FAM171A1: variants seen among roughly 807,000 people sequenced by gnomAD.
FAM171A1 encodes the protein protein FAM171A1.
Under a neutral mutation model 74.9 loss-of-function variants are expected in FAM171A1, and 23 were observed. That is an observed-to-expected ratio of 0.31 (90% CI 0.22 to 0.44). FAM171A1 has a LOEUF of 0.44. FAM171A1 is among the 20% of genes least tolerant of loss of function. FAM171A1 has a pLI of 1.00. For missense variants in FAM171A1, 1,162 were observed against 1,159.2 expected, an observed-to-expected ratio of 1.00 and a Z score of -0.03; for synonymous variants, 527 against 505.7, an observed-to-expected ratio of 1.04 and a Z score of -0.57.
intron 2 of FAM171A1, among the ~76,000 whole-genome samples, chr10:15,279,735 T>C (rs890905652): frequency 2.6e-5 from 4 of 151,978 alleles, no homozygotes; most frequent in Non-Finnish European, 4.4e-5. Flanking sequence ...CTGGCCAACA[T>C]GGTGAAACCC....
intron 6 of FAM171A1, among the ~76,000 whole-genome samples, chr10:15,219,112 G>C (rs1222798724): frequency 6.6e-6 from 1 of 152,070 alleles, no homozygotes; most frequent in East Asian, 1.9e-4. Context: ...GTGAAACCCT[G>C]TCTCCACTAA....
At chr10:15,333,366 G>A (rs1217977140) in intron 1 of FAM171A1, among the ~76,000 whole-genome samples, 2 of 152,192 alleles carry the variant, frequency 1.3e-5, no homozygotes, top group African/African-American at 4.8e-5. Flanking sequence ...TGGGCGTGGT[G>A]GCGTGTGCCT....
At chr10:15,259,888 C>T (rs1392026175) in intron 3 of FAM171A1, among the ~76,000 whole-genome samples, 1 of 151,904 alleles carries the variant, frequency 6.6e-6, no homozygotes, top group East Asian at 1.9e-4. Context: ...TACAATGATG[C>T]CATCACAGTT....
At chr10:15,246,871 G>C (rs1373187344) in intron 5 of FAM171A1, among the ~76,000 whole-genome samples, 2 of 152,212 alleles carry the variant, frequency 1.3e-5, no homozygotes, top group African/African-American at 4.8e-5. Context: ...GAAGCAAAGG[G>C]GGGTAAGAGG....
At chr10:15,315,233 C>T (rs1835408219) in intron 1 of FAM171A1, among the ~76,000 whole-genome samples, 1 of 152,132 alleles carries the variant, frequency 6.6e-6, no homozygotes, top group East Asian at 1.9e-4. Context: ...GAGAGTGGTT[C>T]CACTCTGGAG....
At chr10:15,318,179 C>G (rs1249659112) in intron 1 of FAM171A1, among the ~76,000 whole-genome samples, 2 of 152,132 alleles carry the variant, frequency 1.3e-5, no homozygotes, top group Non-Finnish European at 2.9e-5. Flanking sequence ...TGAAATGTGA[C>G]CAGCAGGAGA....
chr10:15,221,356 C>G (rs1036429950), intron 5 of FAM171A1, among the ~76,000 whole-genome samples: 2 of 152,138 alleles, frequency 1.3e-5, no homozygotes, highest in African/African-American at 4.8e-5. Flanking sequence ...TTAGCAGAAG[C>G]CTTTGGAACT....
At chr10:15,337,675 G>A (rs1835719441) in intron 1 of FAM171A1, among the ~76,000 whole-genome samples, 1 of 150,108 alleles carries the variant, frequency 6.7e-6, no homozygotes, top group Admixed American at 6.6e-5. Context: ...AGGGGTTGGC[G>A]CGGTGGCTTA....
intron 5 of FAM171A1, among the ~76,000 whole-genome samples, chr10:15,242,200 C>T (rs1250160265): frequency 6.6e-6 from 1 of 151,972 alleles, no homozygotes; most frequent in Non-Finnish European, 1.5e-5. Context: ...GATCTAATAC[C>T]GTCTTTAGAT....
rs867782076 is a variant in FAM171A1, at chr10:15,359,416, C to A, written c.97+11540G>T. 2.6e-5 allele frequency among the ~76,000 whole-genome samples: 4 copies of A among 152,174 alleles called. 1 individual carries two copies. The Middle Eastern group carries it at 0.014, about 518-fold the overall frequency. ...GGGAAGGGACAGGGAAGTCACTTGTCCAGAACCTGAGAGGACACCCTCAGC... is the reference window on the plus strand; with the variant it reads ...GGGAAGGGACAGGGAAGTCACTTGTACAGAACCTGAGAGGACACCCTCAGC... On this transcript the variant is annotated intron_variant, in intron 1 of 7. Coordinates refer to ENST00000378116, the MANE Select transcript of FAM171A1 (RefSeq NM_001010924.2).
intron 1 of FAM171A1, among the ~76,000 whole-genome samples, chr10:15,319,942 A>G (rs894983629): frequency 4.6e-5 from 7 of 152,212 alleles, no homozygotes; most frequent in African/African-American, 7.2e-5. Flanking sequence ...CAAAAATTAG[A>G]TTGACTTTTT....
At chr10:15,355,521 C>T (rs1835922466) in intron 1 of FAM171A1, among the ~76,000 whole-genome samples, 1 of 152,062 alleles carries the variant, frequency 6.6e-6, no homozygotes, top group Non-Finnish European at 1.5e-5. Flanking sequence ...AGTTTGATAC[C>T]AGCCTGGCCA....
chr10:15,240,779 G>C, intron 5 of FAM171A1: 3 of 978,278 alleles, frequency 3.1e-6, no homozygotes, highest in Non-Finnish European at 3.6e-6. Flanking sequence ...GCTCACAGTC[G>C]TTGTAATCCC....
chr10:15,318,884 AT>A (rs1412097093), intron 1 of FAM171A1, among the ~76,000 whole-genome samples: 3 of 152,150 alleles, frequency 2.0e-5, no homozygotes, highest in Non-Finnish European at 4.4e-5. Context: ...AAGGTGTGAC[AT>A]CCTGATCCTT....
At chr10:15,277,952 C>T (rs750255276) in intron 2 of FAM171A1, among the ~76,000 whole-genome samples, 25 of 152,124 alleles carry the variant, frequency 1.6e-4, no homozygotes, top group Non-Finnish European at 3.4e-4. Context: ...GATGGGGTTT[C>T]GTCACATTGG....
chr10:15,315,021 G>A (rs1234688331), intron 1 of FAM171A1, among the ~76,000 whole-genome samples: 1 of 152,224 alleles, frequency 6.6e-6, no homozygotes, highest in Non-Finnish European at 1.5e-5. Context: ...TTCGAGAAGA[G>A]GTCACCCTCA....
intron 3 of FAM171A1, among the ~76,000 whole-genome samples, chr10:15,265,371 T>C (rs1588520785): frequency 6.6e-6 from 1 of 151,938 alleles, no homozygotes; most frequent in Middle Eastern, 3.4e-3. Flanking sequence ...CCCAGTACTT[T>C]TGGAGTCCAG....
intron 3 of FAM171A1, among the ~76,000 whole-genome samples, chr10:15,266,701 T>C (rs993209274): frequency 6.6e-6 from 1 of 151,742 alleles, no homozygotes; most frequent in Non-Finnish European, 1.5e-5. Context: ...CCCCCGTCTC[T>C]ACTAAAAATA....
intron 1 of FAM171A1, among the ~76,000 whole-genome samples, chr10:15,317,394 A>T (rs1338003454): frequency 6.6e-6 from 1 of 152,048 alleles, no homozygotes; most frequent in African/African-American, 2.4e-5. Context: ...TATTTTTTTT[A>T]ATTTTAATTT....
Sources: gnomAD v4.1 joint callset for allele counts (sites outside exome capture counted in the v4.1 genomes callset) on GRCh38, gnomAD v4.1.1 for gene constraint, MANE v1.5 for transcripts, NCBI Gene and HGNC (gene_info 2026-07-23, HGNC 2026-07-21) for gene names.